Variants in FRY observed in about 807,000 individuals in gnomAD.
FRY encodes protein furry homolog.
In FRY, 128 loss-of-function variants were observed where a neutral mutation model predicts 348.4. The ratio of observed to expected loss-of-function variants is 0.37; its 90% CI spans 0.32 to 0.43. The LOEUF is 0.43. Among genes scored for constraint, FRY ranks in the 20% least tolerant of loss-of-function variants. The pLI, the probability that FRY is intolerant of heterozygous loss-of-function variation, is 1.00. For missense variants in FRY, 2,736 were observed against 3,695.2 expected (o/e 0.74, Z 6.73); for synonymous variants, 1,370 against 1,374.7 (o/e 1.00, Z 0.08).
intron 7 of FRY, 71 bp from the exon 8 acceptor site, chr13:32,131,601 G>C (rs1879368210): frequency 1.9e-6 from 2 of 1,033,762 alleles, no homozygotes; most frequent in Non-Finnish European, 3.1e-6. Context: ...ATCACTCCCA[G>C]ATGCTGGAGG....
At chr13:32,207,071 G>A (rs147246814) in intron 31 of FRY, among the ~76,000 whole-genome samples, 1 of 152,248 alleles carries the variant, frequency 6.6e-6, no homozygotes, top group African/African-American at 2.4e-5. Flanking sequence ...GGATACCTCA[G>A]GCATACATCC....
At chr13:32,067,979 G>A (rs1874366699) in intron 1 of FRY, among the ~76,000 whole-genome samples, 1 of 152,062 alleles carries the variant, frequency 6.6e-6, no homozygotes, top group South Asian at 2.1e-4. Flanking sequence ...TCCCAGGGCA[G>A]CAGCACCAGC....
chr13:32,283,195 A>G (rs1322960381), intron 58 of FRY, among the ~76,000 whole-genome samples: 1 of 151,858 alleles, frequency 6.6e-6, no homozygotes, highest in Non-Finnish European at 1.5e-5. Context: ...ATACACACAC[A>G]CTCAAAACAG....
intron 40 of FRY, 74 bp downstream of exon 40, chr13:32,228,728 C>T: frequency 1.6e-6 from 2 of 1,250,570 alleles, no homozygotes; most frequent in Admixed American, 1.7e-5. Flanking sequence ...TTAAACCACA[C>T]AGATGGAAAA....
chr13:32,134,653 C>A (rs1296677972), intron 8 of FRY, among the ~76,000 whole-genome samples: 1 of 152,178 alleles, frequency 6.6e-6, no homozygotes, highest in African/African-American at 2.4e-5. Flanking sequence ...GTTAGAGATG[C>A]TTTGTCCTTT....
intron 58 of FRY, among the ~76,000 whole-genome samples, chr13:32,285,955 G>A (rs1330756532): frequency 7.2e-5 from 11 of 151,956 alleles, no homozygotes; most frequent in Non-Finnish European, 1.5e-4. Flanking sequence ...CCACATCAGA[G>A]GCTTACAGGT....
intron 58 of FRY, among the ~76,000 whole-genome samples, chr13:32,279,259 G>A (rs1009003476): frequency 2.0e-5 from 3 of 152,210 alleles, no homozygotes; most frequent in African/African-American, 7.2e-5. Context: ...GGGCGGCTCT[G>A]GGAAGGGTTC....
intron 55 of FRY, among the ~76,000 whole-genome samples, chr13:32,272,348 C>T (rs545198997): frequency 9.1e-4 from 138 of 152,280 alleles, no homozygotes; most frequent in African/African-American, 3.3e-3. Context: ...TGGTTTCTGT[C>T]GGTACAGTAT....
chr13:32,223,751 C>T (rs1160268267), intron 36 of FRY, among the ~76,000 whole-genome samples: 1 of 152,176 alleles, frequency 6.6e-6, no homozygotes, highest in Non-Finnish European at 1.5e-5. Context: ...GTTTTTCAAA[C>T]AGAGTCTCAC....
intron 1 of FRY, chr13:32,061,312 C>CA (rs1184365422): frequency 5.7e-5 from 23 of 400,654 alleles, no homozygotes. Flanking sequence ...TGCCATTGTT[C>CA]AGAGACAGGA....
chr13:32,155,717 GTAGATATTTATCTT>G (rs1443320481), intron 15 of FRY, 55 bp downstream of exon 15: 2 of 1,240,644 alleles, frequency 1.6e-6, no homozygotes, highest in African/African-American at 1.5e-5. Flanking sequence ...AAAATGACCA[GTAGATATTTATCTT>G]TAGTGAGATG....
chr13:32,298,238 C>A lies in FRY; in HGVS notation c.*2778C>A, dbSNP rs2072094499. 1 of 152,206 alleles carries A rather than the reference C, an allele frequency of 6.6e-6. No individual in the cohort carries two copies. The highest frequency in any genetic ancestry group is 2.1e-4 in the South Asian group (1 of 4,828). The allele number at this position is 152,206 out of a possible 1,614,324, so 9.4% of individuals were successfully genotyped here. A position where few individuals can be genotyped will look rare whatever the true frequency, so the allele number is the denominator to read the frequency against. On this transcript the variant is annotated 3_prime_UTR_variant, in exon 61 of 61. Transcript: ENST00000542859. ...GATCTTTTCAGTGAACTGTAGAATT[C>A]TGGAAAGAATAAGCGTACCTCCAGG... is the stretch of plus-strand genomic sequence containing the variant.
chr13:32,107,040 A>G (rs1877597604), intron 3 of FRY, among the ~76,000 whole-genome samples: 1 of 152,210 alleles, frequency 6.6e-6, no homozygotes, highest in Admixed American at 6.5e-5. Context: ...ATTTAACCTA[A>G]TTACACTCCA....
At chr13:32,085,586 T>C (rs1032269801) in intron 2 of FRY, among the ~76,000 whole-genome samples, 2 of 152,110 alleles carry the variant, frequency 1.3e-5, no homozygotes, top group Admixed American at 6.5e-5. Flanking sequence ...CACAGGGTGG[T>C]TGAGAGGATT....
chr13:32,272,167 G>C (rs539234317), intron 55 of FRY, among the ~76,000 whole-genome samples: 1 of 152,142 alleles, frequency 6.6e-6, no homozygotes, highest in Non-Finnish European at 1.5e-5. Flanking sequence ...ATACATTTCA[G>C]ACCTGCTTTC....
At chr13:32,141,941 A>G (rs916431271) in intron 11 of FRY, among the ~76,000 whole-genome samples, 9 of 152,192 alleles carry the variant, frequency 5.9e-5, no homozygotes, top group Non-Finnish European at 1.3e-4. Flanking sequence ...CAGAGCCATA[A>G]TAAATGCATA....
At chr13:32,229,377 T>A (rs1306517671) in intron 40 of FRY, among the ~76,000 whole-genome samples, 1 of 152,222 alleles carries the variant, frequency 6.6e-6, no homozygotes, top group African/African-American at 2.4e-5. Flanking sequence ...GTATGTGTTA[T>A]CTAATATCTC....
chr13:32,227,095 C>A (rs991412713), intron 39 of FRY, among the ~76,000 whole-genome samples: 8 of 152,158 alleles, frequency 5.3e-5, no homozygotes, highest in African/African-American at 1.7e-4. Flanking sequence ...ATTTATTATA[C>A]CACTGATATG....
intron 1 of FRY, chr13:32,060,819 G>A: frequency 3.4e-6 from 1 of 290,818 alleles, no homozygotes; most frequent in Admixed American, 4.3e-5. Flanking sequence ...GGCACTCTGT[G>A]AGTTGTAGGT....
Sources: allele counts gnomAD v4.1 joint callset (sites outside exome capture counted in the v4.1 genomes callset), GRCh38; gene constraint gnomAD v4.1.1; transcripts MANE v1.5; gene names NCBI Gene and HGNC (gene_info 2026-07-23, HGNC 2026-07-21).